Variants in SLC66A3 observed in about 807,000 individuals in gnomAD.
SLC66A3 encodes PQ loop repeat containing 3.
A neutral mutation model predicts 25.5 loss-of-function variants in SLC66A3; 23 were observed. That is an observed-to-expected ratio of 0.90 (90% confidence interval 0.65 to 1.28). SLC66A3 has a LOEUF of 1.28. Among genes scored for constraint, SLC66A3 ranks in the 50% most tolerant of loss-of-function variants. SLC66A3 has a pLI of 0.00. For synonymous variants in SLC66A3, 108 were observed against 112.6 expected, an observed-to-expected ratio of 0.96 and a Z score of 0.26; for missense variants, 246 against 262.1, an observed-to-expected ratio of 0.94 and a Z score of 0.42.
intron 6 of SLC66A3, among the ~76,000 whole-genome samples, chr2:11,176,398 T>C (rs1662744543): frequency 6.6e-6 from 1 of 152,048 alleles, no homozygotes; most frequent in South Asian, 2.1e-4. Context: ...GTATTTTTAG[T>C]AGAGATGGGG....
chr2:11,177,343 C>G (rs757142678), intron 6 of SLC66A3, among the ~76,000 whole-genome samples: 16 of 152,026 alleles, frequency 1.1e-4, no homozygotes, highest in Admixed American at 9.2e-4. Context: ...ACCTGTCATC[C>G]CAGGTGCCTG....
At chr2:11,168,124 T>C (rs567411421) in intron 4 of SLC66A3, among the ~76,000 whole-genome samples, 1 of 151,604 alleles carries the variant, frequency 6.6e-6, no homozygotes, top group Non-Finnish European at 1.5e-5. Context: ...ACTAAAAATA[T>C]ATAAAAAAAA....
intron 3 of SLC66A3, chr2:11,160,900 C>A: frequency 1.2e-6 from 1 of 813,638 alleles, no homozygotes; most frequent in Non-Finnish European, 1.9e-6. Context: ...CCAGCATGCC[C>A]TGGGCGGTGC....
chr2:11,173,164 A>G (rs1024842824), intron 5 of SLC66A3, among the ~76,000 whole-genome samples: 4 of 152,006 alleles, frequency 2.6e-5, no homozygotes, highest in Admixed American at 6.6e-5. Flanking sequence ...CGCCCAGCCA[A>G]TTTTTTGTAG....
chr2:11,176,764 G>A (rs1463344928), intron 6 of SLC66A3, among the ~76,000 whole-genome samples: 2 of 135,034 alleles, frequency 1.5e-5, no homozygotes, highest in Non-Finnish European at 3.2e-5. Flanking sequence ...TCCTGACCTC[G>A]TGATCCGCCC....
At chr2:11,177,639 T>TG in intron 6 of SLC66A3, 98 bp from the exon 7 acceptor site, 1 of 680,664 alleles carries the variant, frequency 1.5e-6, no homozygotes, top group East Asian at 2.9e-5. Flanking sequence ...TTTCGGAGGT[T>TG]GGGGGTGAAG....
Position 11,161,749 on chromosome 2 carries a change from G to A in SLC66A3, c.296+1055G>A, listed in dbSNP as rs188901481. ...TTACCCAGACTAGTCTTGAACTCCC[G>A]GACTCAAGCGATCTTTCCACCTTGG... On this transcript the variant is annotated intron_variant, in intron 3 of 6. Transcript: ENST00000295083. Among the ~76,000 whole-genome samples, 39 of 152,290 alleles carry A rather than the reference G, an allele frequency of 2.6e-4. No individual in the cohort carries two copies. In the East Asian group the frequency reaches 5.6e-3, roughly 22 times the overall value.
intron 1 of SLC66A3, among the ~76,000 whole-genome samples, chr2:11,157,007 C>T (rs985344917): frequency 2.6e-5 from 4 of 152,156 alleles, no homozygotes; most frequent in Non-Finnish European, 4.4e-5. Context: ...CTTGCTAGGT[C>T]CCTGAGCTGG....
intron 3 of SLC66A3, among the ~76,000 whole-genome samples, chr2:11,161,543 G>C (rs1264301050): frequency 6.6e-6 from 1 of 151,762 alleles, no homozygotes; most frequent in African/African-American, 2.4e-5. Context: ...TTAAGAGACA[G>C]GGTCTCACTA....
Position 11,177,745 on chromosome 2 carries a change from C to T in SLC66A3, c.526C>T (p.Arg176Cys), listed in dbSNP as rs747384238. The change falls in exon 7 of 7, where the codon CGT becomes TGT. Residue 176 changes from arginine to cysteine, a missense_variant. Arg to Cys is a radical substitution (Grantham distance 180). Transcript: ENST00000295083. ...TTTTTTTTTTATTTCAGTTCTTCTACGTTTTGTGATCATGCTGGCTTTAAA... is the reference window on the plus strand; with the variant it reads ...TTTTTTTTTTATTTCAGTTCTTCTATGTTTTGTGATCATGCTGGCTTTAAA... ...MTTNDFTILL[R>C]FVIMLALNIW... The T allele has an allele frequency of 3.4e-5, 55 of 1,604,006 alleles. No homozygotes were observed. Among genetic ancestry groups the T allele is most frequent in the South Asian group, 1.7e-4 (15 of 90,486 alleles).
chr2:11,177,650 CTTTA>C (rs1471585317), intron 6 of SLC66A3, 83 bp from the exon 7 acceptor site: 1 of 760,798 alleles, frequency 1.3e-6, no homozygotes, highest in East Asian at 2.8e-5. Context: ...GGGGGTGAAG[CTTTA>C]TTTAGGCTTA....
chr2:11,155,544 G>T lies in SLC66A3; in HGVS notation c.-3G>T. The T allele has an allele frequency of 1.3e-6, 2 of 1,494,998 alleles. No individual in the cohort carries two copies. Among genetic ancestry groups the T allele is most frequent in the Non-Finnish European group, 1.8e-6 (2 of 1,130,966 alleles). 92.6% of individuals were successfully genotyped at this position (1,494,998 alleles called of 1,614,324 possible). A position where few individuals can be genotyped will look rare whatever the true frequency, so the allele number is the denominator to read the frequency against. ...CCGCCCAGGTGCCCGCGCCCGTGGC[G>T]CTATGGAGGCGGCGCTGCTGGGGCT... On this transcript the variant is annotated 5_prime_UTR_variant, in exon 1 of 7. Transcript: ENST00000295083.
Position 11,155,660 on chromosome 2 carries a change from C to G in SLC66A3, c.114C>G (p.Ser38Arg). ...CGGCGCGCAGCGCGCGGGGCCTCAG[C>G]CTTCCGAGTTTACTTCTGGAGCTGG... ...VLAARSARGL[S>R]LPSLLLELAG... Residue 38 changes from serine (S) to arginine (R), a missense_variant, in exon 1 of 7, where the codon AGC (serine) becomes AGG (arginine). This residue lies in a region of SLC66A3 where 142 missense variants were observed against 130.3 expected (regional missense o/e 1.09). Transcript: ENST00000295083. 2 of 1,474,322 alleles carry G rather than the reference C, an allele frequency of 1.4e-6. No homozygotes were observed. The highest frequency in any genetic ancestry group is 1.5e-5 in the African/African-American group (1 of 68,678). The allele number at this position is 1,474,322 out of a possible 1,614,324, so 91.3% of individuals were successfully genotyped here. A position where few individuals can be genotyped will look rare whatever the true frequency, so the allele number is the denominator to read the frequency against.
chr2:11,172,757 GCTCT>G (rs1276673138), intron 5 of SLC66A3: 5 of 437,596 alleles, frequency 1.1e-5, no homozygotes, highest in Non-Finnish European at 1.9e-5. Context: ...ACAGGGTCTC[GCTCT>G]CTCTCACAGG....
chr2:11,174,279 G>A (rs1192363668), intron 5 of SLC66A3, among the ~76,000 whole-genome samples: 1 of 152,072 alleles, frequency 6.6e-6, no homozygotes, highest in Non-Finnish European at 1.5e-5. Context: ...TAATTAGTGG[G>A]AGCCTTTCTT....
intron 4 of SLC66A3, among the ~76,000 whole-genome samples, chr2:11,166,794 C>G (rs1662359896): frequency 6.6e-6 from 1 of 152,198 alleles, no homozygotes; most frequent in Admixed American, 6.5e-5. Flanking sequence ...ACTTGGGAGA[C>G]TGAGTCAGGA....
chr2:11,164,756 C>G (rs1014520306), intron 4 of SLC66A3, among the ~76,000 whole-genome samples: 1 of 151,934 alleles, frequency 6.6e-6, no homozygotes, highest in Non-Finnish European at 1.5e-5. Flanking sequence ...AGCCTGCTGC[C>G]TTCAAGCATC....
intron 6 of SLC66A3, among the ~76,000 whole-genome samples, chr2:11,175,772 A>C (rs1468158091): frequency 6.6e-6 from 1 of 152,250 alleles, no homozygotes; most frequent in Non-Finnish European, 1.5e-5. Flanking sequence ...TCAACTCCCA[A>C]ATCAAGCATA....
chr2:11,168,046 C>T (rs1055983463), intron 4 of SLC66A3, among the ~76,000 whole-genome samples: 8 of 152,138 alleles, frequency 5.3e-5, no homozygotes, highest in East Asian at 3.9e-4. Flanking sequence ...TCTGGGAGGC[C>T]GAGACGGGCG....
Sources: gnomAD v4.1 joint callset for allele counts (sites outside exome capture counted in the v4.1 genomes callset) on GRCh38, gnomAD v4.1.1 for gene constraint, gnomAD v4.1.1 regional missense constraint, MANE v1.5 for transcripts, NCBI Gene and HGNC (gene_info 2026-07-23, HGNC 2026-07-21) for gene names.